SIPA1L1: variants seen among roughly 807,000 people sequenced by gnomAD.
SIPA1L1 encodes signal induced proliferation associated 1 like 1, also known as signal-induced proliferation-associated 1-like protein 1.
A neutral mutation model predicts 162.7 loss-of-function variants in SIPA1L1; 26 were observed. That is an observed-to-expected ratio of 0.16 (90% confidence interval 0.12 to 0.22). SIPA1L1 has a LOEUF of 0.22. Among genes scored for constraint, SIPA1L1 ranks in the 10% least tolerant of loss-of-function variants. SIPA1L1 has a pLI of 1.00. For synonymous variants in SIPA1L1, 829 were observed against 837.4 expected (o/e 0.99, Z 0.17); for missense variants, 1,874 against 2,241.0 (o/e 0.84, Z 3.31).
chr14:71,671,871 G>A (rs532335025), intron 11 of SIPA1L1, among the ~76,000 whole-genome samples, 179 bp downstream of exon 11: 1 of 150,962 alleles, frequency 6.6e-6, no homozygotes, highest in South Asian at 2.1e-4. Flanking sequence ...TTTCGGAAAA[G>A]TAGAACAAAT....
At chr14:71,591,655 A>G (rs1432056694) in intron 5 of SIPA1L1, among the ~76,000 whole-genome samples, 2 of 152,234 alleles carry the variant, frequency 1.3e-5, no homozygotes, top group South Asian at 2.1e-4. Flanking sequence ...CTGTTTTATT[A>G]TCATTAACAC....
intron 2 of SIPA1L1, among the ~76,000 whole-genome samples, chr14:71,406,901 A>G (rs2042064411): frequency 6.6e-6 from 1 of 152,200 alleles, no homozygotes; most frequent in South Asian, 2.1e-4. Flanking sequence ...TATCTTTATA[A>G]TGCCAGATGC....
At chr14:71,678,337 G>A (rs2045427335) in intron 12 of SIPA1L1, among the ~76,000 whole-genome samples, 1 of 152,196 alleles carries the variant, frequency 6.6e-6, no homozygotes, top group Admixed American at 6.5e-5. Flanking sequence ...TTTATTGAGA[G>A]TTTTTAGCAT....
At chr14:71,344,003 C>T (rs538290365) in intron 2 of SIPA1L1, among the ~76,000 whole-genome samples, 8 of 152,260 alleles carry the variant, frequency 5.3e-5, no homozygotes, top group African/African-American at 1.2e-4. Context: ...GTGTCCACTG[C>T]GTGTCCACGG....
At chr14:71,703,523 G>C (rs1167560096) in intron 15 of SIPA1L1, among the ~76,000 whole-genome samples, 1 of 152,172 alleles carries the variant, frequency 6.6e-6, no homozygotes, top group East Asian at 1.9e-4. Context: ...GATGTGCCTT[G>C]TTATTGAAGC....
chr14:71,413,786 A>C (rs1192886651), intron 2 of SIPA1L1, among the ~76,000 whole-genome samples: 1 of 152,232 alleles, frequency 6.6e-6, no homozygotes, highest in Non-Finnish European at 1.5e-5. Flanking sequence ...TAAAGAGATT[A>C]CCAATTAAAG....
Position 71,738,260 on chromosome 14 carries a change from A to G in SIPA1L1, c.5143A>G (p.Thr1715Ala). The G allele has an allele frequency of 6.2e-7, 1 of 1,609,922 alleles. No homozygotes were observed. The highest frequency in any genetic ancestry group is 8.5e-7 in the Non-Finnish European group (1 of 1,178,606). The change falls in exon 23 of 24, where the codon ACT becomes GCT. Residue 1715 changes from threonine to alanine, a missense_variant. By Grantham distance (58) the Thr-to-Ala change is moderately conservative (BLOSUM62 0). Coordinates refer to ENST00000381232, the MANE Select transcript of SIPA1L1 (RefSeq NM_001386936.1). ...TCCCAGCAGTAAAGACTCCTCTCCC[A>G]CTCTGGCTTCTAAAGTGGACCAGCT... ...PYSSSKDSSP[T>A]LASKVDQLEG...
intron 10 of SIPA1L1, among the ~76,000 whole-genome samples, chr14:71,663,159 T>C (rs1246155630): frequency 1.3e-5 from 2 of 152,240 alleles, no homozygotes; most frequent in Admixed American, 6.5e-5. Context: ...ATGAAATTAA[T>C]GTTGACACTG....
chr14:71,351,383 C>T (rs1445155147), intron 2 of SIPA1L1, among the ~76,000 whole-genome samples: 1 of 152,084 alleles, frequency 6.6e-6, no homozygotes, highest in Non-Finnish European at 1.5e-5. Context: ...TAGGACTCAA[C>T]ACTAAAGGTA....
intron 2 of SIPA1L1, among the ~76,000 whole-genome samples, chr14:71,470,169 T>C (rs1026710626): frequency 1.3e-5 from 2 of 152,346 alleles, no homozygotes; most frequent in South Asian, 2.1e-4. Flanking sequence ...CCTTATGTTA[T>C]GAAGAACCTT....
intron 11 of SIPA1L1, 101 bp from the exon 12 acceptor site, chr14:71,672,247 G>A: frequency 8.8e-7 from 1 of 1,139,934 alleles, no homozygotes; most frequent in South Asian, 1.4e-5. Flanking sequence ...TGGCAATAAG[G>A]TATTCAGAAC....
intron 5 of SIPA1L1, among the ~76,000 whole-genome samples, chr14:71,591,941 T>A (rs1333836900): frequency 1.3e-5 from 2 of 152,230 alleles, no homozygotes; most frequent in Non-Finnish European, 2.9e-5. Context: ...GGAACAACGT[T>A]TATCTTTTGT....
At chr14:71,456,608 T>G (rs1310004502) in intron 2 of SIPA1L1, among the ~76,000 whole-genome samples, 1 of 152,228 alleles carries the variant, frequency 6.6e-6, no homozygotes, top group Admixed American at 6.5e-5. Flanking sequence ...GTTTGCATCC[T>G]TATAGTGTTG....
intron 2 of SIPA1L1, among the ~76,000 whole-genome samples, chr14:71,426,486 C>CTTTTTTTTTTTTTTTTT: frequency 7.6e-6 from 1 of 132,038 alleles, no homozygotes; most frequent in Non-Finnish European, 1.6e-5. Context: ...GAATTTCTTT[C>CTTTTTTTTTTTTTTTTT]TTTTTTTTTT....
chr14:71,690,555 A>G (rs999785391), intron 13 of SIPA1L1, among the ~76,000 whole-genome samples: 2 of 152,086 alleles, frequency 1.3e-5, no homozygotes, highest in Non-Finnish European at 2.9e-5. Context: ...GCTAACTTCT[A>G]CATTTCTAAA....
intron 12 of SIPA1L1, among the ~76,000 whole-genome samples, chr14:71,676,557 T>A (rs1294754437): frequency 6.6e-6 from 1 of 150,704 alleles, no homozygotes; most frequent in Non-Finnish European, 1.5e-5. Flanking sequence ...ACATGTGCCA[T>A]GTTGGTGTGC....
intron 13 of SIPA1L1, among the ~76,000 whole-genome samples, chr14:71,692,922 C>T (rs993075186): frequency 5.3e-5 from 8 of 152,108 alleles, no homozygotes; most frequent in East Asian, 1.9e-4. Context: ...ATCCTGCCTA[C>T]GCTACTGGGA....
chr14:71,401,291 G>C (rs936785293), intron 2 of SIPA1L1, among the ~76,000 whole-genome samples: 1 of 151,960 alleles, frequency 6.6e-6, no homozygotes, highest in African/African-American at 2.4e-5. Context: ...GACTTGGCTA[G>C]TTTTAGTACT....
intron 4 of SIPA1L1, among the ~76,000 whole-genome samples, chr14:71,534,948 A>C (rs2053762324): frequency 6.6e-6 from 1 of 152,260 alleles, no homozygotes; most frequent in Non-Finnish European, 1.5e-5. Flanking sequence ...AGCATCAAGG[A>C]AAATCTCATT....
Sources: gnomAD v4.1 joint callset for allele counts (sites outside exome capture counted in the v4.1 genomes callset) on GRCh38, gnomAD v4.1.1 for gene constraint, MANE v1.5 for transcripts, NCBI Gene and HGNC (gene_info 2026-07-23, HGNC 2026-07-21) for gene names.